The following EPHB2 variants were observed in gnomAD, a reference collection of about 807,000 sequenced individuals.
EPHB2 encodes the protein EPH receptor B2.
A neutral mutation model predicts 96.4 loss-of-function variants in EPHB2; 18 were observed. That is an observed-to-expected ratio of 0.19 (90% CI 0.13 to 0.28). The LOEUF is 0.28. EPHB2 is among the 10% of genes least tolerant of loss of function. The probability of loss-of-function intolerance (pLI) is 1.00; values close to 1 mark genes in which losing one functional copy is unlikely to be tolerated. For missense variants in EPHB2, 989 were observed against 1,355.4 expected (o/e 0.73, Z 4.25); for synonymous variants, 506 against 534.1 (o/e 0.95, Z 0.72).
At chr1:22,822,254 A>G (rs188996300) in intron 3 of EPHB2, among the ~76,000 whole-genome samples, 1 of 152,136 alleles carries the variant, frequency 6.6e-6, no homozygotes, top group Non-Finnish European at 1.5e-5. Flanking sequence ...AGGCCAAGGC[A>G]GGAGGATCAC....
At chr1:22,791,097 T>G (rs1644684445) in intron 3 of EPHB2, among the ~76,000 whole-genome samples, 1 of 152,204 alleles carries the variant, frequency 6.6e-6, no homozygotes, top group African/African-American at 2.4e-5. Flanking sequence ...AGGGCTGTTA[T>G]ACAGAGTAAA....
At chr1:22,775,583 G>A (rs552087123) in intron 1 of EPHB2, among the ~76,000 whole-genome samples, 1 of 152,382 alleles carries the variant, frequency 6.6e-6, no homozygotes, top group South Asian at 2.1e-4. Context: ...CAACGCTAAC[G>A]ACTTCAGTGT....
chr1:22,887,276 C>T (rs1179892020), intron 6 of EPHB2, among the ~76,000 whole-genome samples: 1 of 152,160 alleles, frequency 6.6e-6, no homozygotes, highest in Non-Finnish European at 1.5e-5. Flanking sequence ...CCACCACCAC[C>T]AGGAAGGGAC....
chr1:22,796,718 C>T (rs1176523903), intron 3 of EPHB2, among the ~76,000 whole-genome samples: 1 of 152,238 alleles, frequency 6.6e-6, no homozygotes, highest in Admixed American at 6.5e-5. Context: ...CTGGAATCTA[C>T]TTGTAAGTAA....
intron 1 of EPHB2, among the ~76,000 whole-genome samples, chr1:22,731,862 C>T (rs1475412619): frequency 1.3e-5 from 2 of 152,162 alleles, no homozygotes; most frequent in Non-Finnish European, 2.9e-5. Context: ...ACAACAACAA[C>T]AAAATCATCA....
intron 9 of EPHB2, among the ~76,000 whole-genome samples, chr1:22,903,485 C>T (rs768817948): frequency 5.9e-5 from 9 of 152,220 alleles, no homozygotes; most frequent in Non-Finnish European, 8.8e-5. Flanking sequence ...ATCCAGGAGG[C>T]AGTGAACATG....
At chr1:22,902,225 A>G (rs1639775148) in intron 9 of EPHB2, among the ~76,000 whole-genome samples, 1 of 152,222 alleles carries the variant, frequency 6.6e-6, no homozygotes. Flanking sequence ...GAAACAGTTA[A>G]ATATTGACAG....
intron 3 of EPHB2, among the ~76,000 whole-genome samples, chr1:22,793,717 G>T (rs1041677756): frequency 3.9e-5 from 6 of 152,136 alleles, no homozygotes; most frequent in African/African-American, 9.7e-5. Flanking sequence ...GGTGCCACCT[G>T]TGTGTCCCGC....
At chr1:22,804,289 A>C (rs897016072) in intron 3 of EPHB2, among the ~76,000 whole-genome samples, 1 of 150,240 alleles carries the variant, frequency 6.7e-6, no homozygotes, top group African/African-American at 2.4e-5. Flanking sequence ...GGATGGATGC[A>C]TGGATGGAGA....
chr1:22,762,355 T>C (rs1049268078), intron 1 of EPHB2, among the ~76,000 whole-genome samples: 4 of 152,172 alleles, frequency 2.6e-5, no homozygotes, highest in Admixed American at 2.6e-4. Context: ...CTGGAACCTC[T>C]ACCCACTAAG....
intron 13 of EPHB2, 133 bp from the exon 14 acceptor site, chr1:22,910,249 A>G (rs1640050292): frequency 1.8e-6 from 2 of 1,132,066 alleles, no homozygotes; most frequent in African/African-American, 3.1e-5. Flanking sequence ...GGCTGCCTCC[A>G]GGAGGTGAAA....
Position 22,848,880 on chromosome 1 carries a change from A to AGAG in EPHB2, c.812-14156_812-14154dup, listed in dbSNP as rs1645582515. Among the ~76,000 whole-genome samples, 4 of 152,174 alleles carry AGAG rather than the reference A, an allele frequency of 2.6e-5. No homozygotes were observed. The South Asian group carries it at 8.3e-4, about 32-fold the overall frequency. On this transcript the variant is annotated intron_variant, in intron 3 of 15. Coordinates refer to ENST00000374630, the MANE Select transcript of EPHB2 (RefSeq NM_017449.5). The stretch of plus-strand genomic sequence containing the variant: ...GAAGACACTTAGACAAGGCAGGGAG[A>AGAG]GAGAGGCAGGTGGTGGAGGCTCAAT...
rs114017426 is a variant in EPHB2, at chr1:22,842,041, C to T, written c.812-20996C>T. Among the ~76,000 whole-genome samples the T allele has an allele frequency of 6.4e-3, 981 of 152,278 alleles. 2 individuals carry two copies. Among genetic ancestry groups the T allele is most frequent in the Middle Eastern group, 0.014 (4 of 294 alleles). On this transcript the variant is annotated intron_variant, in intron 3 of 15. Coordinates refer to ENST00000374630, the MANE Select transcript of EPHB2 (RefSeq NM_017449.5). ...GGCCTCGGGACAGCTGGAGGAGCCA[C>T]ATGCCTGGGGTTGGGTGAGGGGCAA...
At chr1:22,740,289 GT>G (rs904033326) in intron 1 of EPHB2, among the ~76,000 whole-genome samples, 2 of 152,148 alleles carry the variant, frequency 1.3e-5, no homozygotes, top group Admixed American at 6.5e-5. Flanking sequence ...CTAATCTACT[GT>G]TTTTTTCTAA....
Position 22,892,945 on chromosome 1 carries a change from G to T in EPHB2, c.1490G>T (p.Gly497Val). 1.9e-6 allele frequency: 3 copies of T among 1,614,224 alleles called. No homozygotes were observed. Among genetic ancestry groups the T allele is most frequent in the Non-Finnish European group, 2.5e-6 (3 of 1,180,038 alleles). Residue 497 changes from glycine to valine, a missense_variant, in exon 7 of 16, where the codon GGC becomes GTC. Physicochemically the swap from Gly to Val is moderately radical, Grantham distance 109 (BLOSUM62 -3). Transcript: ENST00000374630. ...KSPTNTVTVQ[G>V]LKAGAIYVFQ... Reference sequence around the variant, plus strand: ...CCCACCAACACGGTCACCGTGCAGGGCCTCAAAGCCGGCGCCATCTATGTC... The same window carrying T: ...CCCACCAACACGGTCACCGTGCAGGTCCTCAAAGCCGGCGCCATCTATGTC...
At chr1:22,746,240 C>A (rs1439018204) in intron 1 of EPHB2, among the ~76,000 whole-genome samples, 2 of 152,136 alleles carry the variant, frequency 1.3e-5, no homozygotes, top group Non-Finnish European at 2.9e-5. Context: ...TCACAACTGC[C>A]AAAAGAGGCT....
chr1:22,748,356 C>G (rs1644007155), intron 1 of EPHB2, among the ~76,000 whole-genome samples: 1 of 151,230 alleles, frequency 6.6e-6, no homozygotes, highest in African/African-American at 2.4e-5. Context: ...TTTCCCTTAC[C>G]TCAAGGGGGC....
intron 6 of EPHB2, among the ~76,000 whole-genome samples, chr1:22,887,755 A>G (rs1405391995): frequency 3.9e-5 from 6 of 152,348 alleles, no homozygotes; most frequent in Non-Finnish European, 8.8e-5. Context: ...AGAGCCATTC[A>G]TGAGGCCACC....
intron 5 of EPHB2, among the ~76,000 whole-genome samples, chr1:22,879,434 G>A (rs187965192): frequency 6.6e-5 from 10 of 152,342 alleles, no homozygotes; most frequent in African/African-American, 2.4e-4. Flanking sequence ...TCATAAAGAA[G>A]CTGGATCCTC....
Sources: allele counts gnomAD v4.1 joint callset (sites outside exome capture counted in the v4.1 genomes callset), GRCh38; gene constraint gnomAD v4.1.1; transcripts MANE v1.5; gene names NCBI Gene and HGNC (gene_info 2026-07-23, HGNC 2026-07-21).